The following LYN variants were observed in gnomAD, a reference collection of about 807,000 sequenced individuals.
The protein encoded by LYN is LYN proto-oncogene, Src family tyrosine kinase, also known as tyrosine-protein kinase Lyn.
Under a neutral mutation model 65.0 loss-of-function variants are expected in LYN, and 12 were observed. The observed-to-expected ratio is 0.18, with a 90% CI of 0.12 to 0.30. The LOEUF is 0.30. LYN is among the 10% of genes least tolerant of loss of function. LYN has a pLI of 1.00. For missense variants in LYN, 380 were observed against 623.2 expected (o/e 0.61, Z 4.16); for synonymous variants, 222 against 221.2 (o/e 1.00, Z -0.03).
Position 55,998,372 on chromosome 8 carries a change from G to A in LYN, c.1077G>A (p.Glu359=). The part of the protein sequence containing the change: ...AQIAEGMAYI[E]RKNYIHRDLR... ...TTGCAGAGGGAATGGCATACATCGA[G>A]CGGAAGAACTACATTCACCGGGACC... The change falls in exon 11 of 13, where the codon GAG becomes GAA. Residue 359 remains glutamate (E), a synonymous_variant. Transcript: ENST00000519728. 1 of 1,613,750 alleles carries A rather than the reference G, an allele frequency of 6.2e-7. No homozygotes were observed. Among genetic ancestry groups the A allele is most frequent in the Non-Finnish European group, 8.5e-7 (1 of 1,179,660 alleles).
At chr8:56,004,256 A>G (rs1474268245) in intron 12 of LYN, among the ~76,000 whole-genome samples, 1 of 150,814 alleles carries the variant, frequency 6.6e-6, no homozygotes, top group Non-Finnish European at 1.5e-5. Flanking sequence ...TTATCTAAGT[A>G]ATATATGCAC....
intron 8 of LYN, among the ~76,000 whole-genome samples, chr8:55,960,151 G>A (rs947956335): frequency 3.3e-5 from 5 of 152,090 alleles, no homozygotes; most frequent in Non-Finnish European, 7.4e-5. Context: ...CTTTAAATGG[G>A]TAAATGACAT....
intron 1 of LYN, among the ~76,000 whole-genome samples, chr8:55,924,304 G>A (rs755831693): frequency 6.6e-6 from 1 of 151,920 alleles, no homozygotes; most frequent in Non-Finnish European, 1.5e-5. Flanking sequence ...CATGGTACAG[G>A]CCTGTTCTAT....
intron 1 of LYN, among the ~76,000 whole-genome samples, chr8:55,902,283 T>G (rs949097071): frequency 6.6e-6 from 1 of 151,892 alleles, no homozygotes; most frequent in Admixed American, 6.6e-5. Flanking sequence ...GCTGGGATGA[T>G]AGGCGTGAGC....
Position 55,923,236 on chromosome 8 carries a change from C to T in LYN, c.-5-18619C>T, listed in dbSNP as rs151233851. Among the ~76,000 whole-genome samples the T allele has an allele frequency of 2.6e-3, 391 of 152,202 alleles. 1 individual carries two copies. The highest frequency in any genetic ancestry group is 9.0e-3 in the African/African-American group (374 of 41,528). ...TGGGGGTGGCCTCTAAGGTACTGAT[C>T]CTTTCTGAGAGTCAGTAGTTTCTCC... is the stretch of plus-strand genomic sequence containing the variant. On this transcript the variant is annotated intron_variant, in intron 1 of 12. Transcript: ENST00000519728.
chr8:55,970,246 G>T (rs142675796), intron 10 of LYN, among the ~76,000 whole-genome samples: 21 of 152,156 alleles, frequency 1.4e-4, no homozygotes, highest in African/African-American at 4.8e-4. Flanking sequence ...TCCTCTTCTC[G>T]CTCCTTCTTG....
chr8:55,999,598 G>A (rs774023464), intron 12 of LYN, 49 bp downstream of exon 12: 78 of 1,583,460 alleles, frequency 4.9e-5, no homozygotes, highest in Non-Finnish European at 6.4e-5. Context: ...ATGAGAAAAA[G>A]TCAGGTTGCA....
chr8:55,987,241 C>T (rs983709849), intron 10 of LYN, among the ~76,000 whole-genome samples: 4 of 151,754 alleles, frequency 2.6e-5, no homozygotes, highest in African/African-American at 4.8e-5. Context: ...GATGAAACAC[C>T]GTCTCTACTA....
chr8:55,953,266 G>C (rs143568644), intron 7 of LYN, among the ~76,000 whole-genome samples: 67 of 152,314 alleles, frequency 4.4e-4, no homozygotes, highest in African/African-American at 1.4e-3. Flanking sequence ...CTGGCAGCCT[G>C]TGGTTGTCTG....
chr8:55,883,543 T>TG (rs1804704537), intron 1 of LYN, among the ~76,000 whole-genome samples: 1 of 152,208 alleles, frequency 6.6e-6, no homozygotes, highest in African/African-American at 2.4e-5. Context: ...GTGACTGTCT[T>TG]GGGGGCAATC....
chr8:55,951,987 G>A lies in LYN; in HGVS notation c.509G>A (p.Arg170Lys), dbSNP rs1806964108. The change falls in exon 7 of 13, where the codon AGA (arginine) becomes AAA (lysine). Residue 170 changes from arginine (R) to lysine (K), a missense_variant. Physicochemically the swap from Arg to Lys is conservative, Grantham distance 26. Coordinates refer to ENST00000519728, the MANE Select transcript of LYN (RefSeq NM_002350.4). ...TLKGSFSLSV[R>K]DFDPVHGDVI... is the part of the protein sequence containing the mutation. ...ATAGGAAGCTTCTCTCTGTCTGTCA[G>A]AGACTTTGACCCTGTGCATGGTGAT... 2 of 1,610,494 alleles carry A rather than the reference G, an allele frequency of 1.2e-6. No individual in the cohort carries two copies. The highest frequency in any genetic ancestry group is 2.7e-5 in the African/African-American group (2 of 74,668).
chr8:55,881,014 C>A (rs983530731), intron 1 of LYN, among the ~76,000 whole-genome samples: 2 of 152,164 alleles, frequency 1.3e-5, no homozygotes, highest in Admixed American at 6.5e-5. Context: ...ACTTTTCTGG[C>A]TGTATATTTA....
chr8:55,983,988 C>G (rs540758802), intron 10 of LYN, among the ~76,000 whole-genome samples: 1 of 152,258 alleles, frequency 6.6e-6, no homozygotes, highest in South Asian at 2.1e-4. Context: ...AAGAATCCTT[C>G]CGTACCTCTT....
At chr8:55,884,155 A>G (rs866475825) in intron 1 of LYN, among the ~76,000 whole-genome samples, 1 of 152,156 alleles carries the variant, frequency 6.6e-6, no homozygotes, top group African/African-American at 2.4e-5. Flanking sequence ...CCTGGAGTGC[A>G]GTGGTGCAAT....
At chr8:55,909,022 C>T (rs879578007) in intron 1 of LYN, among the ~76,000 whole-genome samples, 50,886 of 68,662 alleles carry the variant, frequency 0.74, 17,711 homozygotes, top group East Asian at 0.95. Flanking sequence ...CACACACACA[C>T]ACACACACAC....
intron 8 of LYN, among the ~76,000 whole-genome samples, chr8:55,963,400 G>C (rs1807344290): frequency 6.6e-6 from 1 of 152,228 alleles, no homozygotes; most frequent in Non-Finnish European, 1.5e-5. Flanking sequence ...TGGGCCCCAA[G>C]GCAGCACAGG....
At chr8:55,943,232 T>G (rs1200567858) in intron 2 of LYN, among the ~76,000 whole-genome samples, 3 of 152,172 alleles carry the variant, frequency 2.0e-5, no homozygotes, top group African/African-American at 7.2e-5. Context: ...ATACCACCCA[T>G]AGCCTGCTTT....
chr8:55,928,077 TG>T (rs1806159898), intron 1 of LYN, among the ~76,000 whole-genome samples: 3 of 152,152 alleles, frequency 2.0e-5, no homozygotes, highest in Non-Finnish European at 4.4e-5. Context: ...CAGCATTTGG[TG>T]TAGTCAGTGT....
At chr8:55,969,822 C>A (rs772667115) in intron 10 of LYN, 29 bp downstream of exon 10, 2 of 1,589,760 alleles carry the variant, frequency 1.3e-6, no homozygotes, top group Non-Finnish European at 1.7e-6. Context: ...CCCGTGTGCA[C>A]GTGCATTTGC....
Sources: allele counts gnomAD v4.1 joint callset (sites outside exome capture counted in the v4.1 genomes callset), GRCh38; gene constraint gnomAD v4.1.1; transcripts MANE v1.5; gene names NCBI Gene and HGNC (gene_info 2026-07-23, HGNC 2026-07-21).